MACF1: variants seen among roughly 807,000 people sequenced by gnomAD.
MACF1 encodes microtubule actin crosslinking factor 1.
A neutral mutation model predicts 854.8 loss-of-function variants in MACF1; 193 were observed. That is an observed-to-expected ratio of 0.23 (90% confidence interval 0.20 to 0.25). The LOEUF (loss-of-function observed/expected upper bound fraction) is 0.25. MACF1 is among the 10% of genes least tolerant of loss of function. MACF1 has a pLI of 1.00. For synonymous variants in MACF1, 3,185 were observed against 3,226.7 expected (o/e 0.99, Z 0.44); for missense variants, 7,722 against 8,929.1 (o/e 0.86, Z 5.45).
chr1:39,143,679 G>C (rs994297947), intron 2 of MACF1, among the ~76,000 whole-genome samples: 5 of 152,202 alleles, frequency 3.3e-5, no homozygotes, highest in African/African-American at 1.2e-4. Context: ...AAAGATCCAA[G>C]GCTCTGGGAA....
chr1:39,477,052 T>TAA, intron 97 of MACF1, among the ~76,000 whole-genome samples: 1 of 11,088 alleles, frequency 9.0e-5, no homozygotes, highest in Non-Finnish European at 1.6e-4. Flanking sequence ...AGTGTATATA[T>TAA]ATATATATAT....
At chr1:39,391,068 G>A (rs1321154355) in intron 58 of MACF1, among the ~76,000 whole-genome samples, 5 of 150,620 alleles carry the variant, frequency 3.3e-5, no homozygotes, top group African/African-American at 9.8e-5. Flanking sequence ...CCAAGATGGC[G>A]CCACTGCACT....
chr1:39,332,451 G>A lies in MACF1; in HGVS notation c.5863G>A (p.Ala1955Thr), dbSNP rs753635080. Residue 1955 changes from alanine to threonine, a missense_variant, in exon 37 of 101, where the codon GCC becomes ACC. Transcript: ENST00000564288. ...ACCGTGCAGCAAGAGCCACCCTAAG[G>A]CCACAGCAAGCCAGAGTGAGAATCT... ...VLPCSKSHPK[A>T]TASQSENLLF... is the part of the protein sequence containing the mutation. 1 of 1,613,942 alleles carries A rather than the reference G, an allele frequency of 6.2e-7. No homozygotes were observed. Among genetic ancestry groups the A allele is most frequent in the East Asian group, 2.2e-5 (1 of 44,890 alleles).
chr1:39,442,685 G>T (rs746445318), intron 77 of MACF1, 29 bp from the exon 78 acceptor site: 6 of 1,612,400 alleles, frequency 3.7e-6, no homozygotes, highest in South Asian at 1.1e-5. Context: ...TATCCATAGA[G>T]ATAAATTATG....
intron 58 of MACF1, among the ~76,000 whole-genome samples, chr1:39,421,001 G>A (rs1470352917): frequency 6.6e-6 from 1 of 151,886 alleles, no homozygotes. Context: ...GAGTAGCTGG[G>A]ACTACAGGTG....
intron 100 of MACF1, 96 bp downstream of exon 100, chr1:39,484,826 G>C: frequency 7.0e-7 from 1 of 1,430,270 alleles, no homozygotes; most frequent in South Asian, 1.2e-5. Flanking sequence ...CGGGTAATGA[G>C]AGTGGCACTT....
intron 2 of MACF1, among the ~76,000 whole-genome samples, chr1:39,192,117 C>G (rs184377134): frequency 2.2e-3 from 339 of 152,234 alleles, no homozygotes; most frequent in African/African-American, 7.0e-3. Flanking sequence ...CACCACTGCA[C>G]TCCAGCCTGG....
Position 39,385,559 on chromosome 1 carries a change from G to C in MACF1, c.13974G>C (p.Gln4658His). 1 of 1,614,152 alleles carries C rather than the reference G, an allele frequency of 6.2e-7. No individual in the cohort carries two copies. The highest frequency in any genetic ancestry group is 2.2e-5 in the East Asian group (1 of 44,870). The change falls in exon 57 of 101, where the codon CAG becomes CAC. Residue 4658 changes from glutamine to histidine, a missense_variant. Physicochemically the swap from Gln to His is conservative, Grantham distance 24. This residue lies in a region of MACF1 where 2,807 missense variants were observed against 3,235.8 expected (regional missense o/e 0.87). Coordinates refer to ENST00000564288, the MANE Select transcript of MACF1 (RefSeq NM_001394062.1). ...LSTSQVQKEL[Q>H]SINQKWVELT... ...CCAGCCAAGTACAGAAAGAACTCCA[G>C]AGCATCAATCAGAAATGGGTTGAGC...
At chr1:39,171,457 A>G (rs1192544274) in intron 2 of MACF1, among the ~76,000 whole-genome samples, 4 of 152,028 alleles carry the variant, frequency 2.6e-5, no homozygotes, top group African/African-American at 9.7e-5. Flanking sequence ...CCTGGCAACC[A>G]CTAATCAGCT....
chr1:39,267,127 G>A (rs1645242764), intron 6 of MACF1, among the ~76,000 whole-genome samples: 1 of 152,150 alleles, frequency 6.6e-6, no homozygotes, highest in Admixed American at 6.5e-5. Flanking sequence ...GAGAGTAGTT[G>A]GGGTTGAAAT....
chr1:39,093,463 G>C (rs1015197327), intron 2 of MACF1, among the ~76,000 whole-genome samples: 3 of 149,380 alleles, frequency 2.0e-5, no homozygotes, highest in Admixed American at 6.7e-5. Flanking sequence ...TAACATGTGC[G>C]CGCCACCACG....
In MACF1 at chr1:39,205,089, G is replaced by A; in HGVS notation, c.67G>A (p.Ala23Thr). The part of the protein sequence containing the change: ...IFILTHVLGV[A>T]GVLYWKRHAR... ...TATTTTGACTCACGTTCTTGGAGTT[G>A]CTGGTGTTCTATACTGGAAGAGGCA... The change falls in exon 1 of 101, where the codon GCT becomes ACT. Residue 23 changes from alanine (A) to threonine (T), a missense_variant. Ala to Thr is a moderately conservative substitution (Grantham distance 58, BLOSUM62 0). Transcript: ENST00000564288. The A allele has an allele frequency of 1.4e-6, 1 of 703,002 alleles. No homozygotes were observed. Among genetic ancestry groups the A allele is most frequent in the Non-Finnish European group, 2.6e-6 (1 of 385,000 alleles). 43.5% of individuals were successfully genotyped at this position (703,002 alleles called of 1,614,324 possible). A position where few individuals can be genotyped will look rare whatever the true frequency, so the allele number is the denominator to read the frequency against.
chr1:39,322,829 T>G (rs988205084), intron 32 of MACF1, 81 bp from the exon 33 acceptor site: 2 of 1,509,848 alleles, frequency 1.3e-6, no homozygotes, highest in Non-Finnish European at 9.2e-7. Flanking sequence ...TGTGACTGCA[T>G]GAACATTTCC....
Position 39,479,150 on chromosome 1 carries a change from TC to T in MACF1, c.21959-646del, listed in dbSNP as rs746074026. 2.2e-4 allele frequency among the ~76,000 whole-genome samples: 33 copies of T among 152,330 alleles called. No individual in the cohort carries two copies. The Middle Eastern group carries it at 0.014, about 63-fold the overall frequency. On this transcript the variant is annotated intron_variant, in intron 97 of 100. Transcript: ENST00000564288. ...TGATGTTCCTCCTACTTGCAGTTACTCCTTTGGCCTTTTATTGCTTTCAGTT... is the reference window on the plus strand; with the variant it reads ...TGATGTTCCTCCTACTTGCAGTTACTCTTTGGCCTTTTATTGCTTTCAGTT...
Position 39,300,367 on chromosome 1 carries a change from GGA to G in MACF1, c.2634+7_2634+8del. On this transcript the variant is annotated splice_donor_region_variant and intron_variant, in intron 22 of 100. Transcript: ENST00000564288. ...TGTGACTACAGGCAGATCGAGGTGA[GGA>G]GGTAGAAAGGGTACCTCTGGGCCAC... 1.2e-6 allele frequency: 2 copies of G among 1,613,330 alleles called. No individual in the cohort carries two copies. Among genetic ancestry groups the G allele is most frequent in the East Asian group, 4.5e-5 (2 of 44,846 alleles).
intron 54 of MACF1, among the ~76,000 whole-genome samples, chr1:39,379,971 G>A (rs1238089200): frequency 6.6e-6 from 1 of 152,044 alleles, no homozygotes; most frequent in African/African-American, 2.4e-5. Context: ...TCATATCTTG[G>A]TATTTTTAGT....
At chr1:39,270,212 C>T (rs566076760) in intron 6 of MACF1, among the ~76,000 whole-genome samples, 2 of 152,224 alleles carry the variant, frequency 1.3e-5, no homozygotes, top group East Asian at 3.9e-4. Context: ...CAATCCCATC[C>T]CTGTTGGGAA....
At position 39,458,500 on chromosome 1, in the gene MACF1, C is replaced by T. The variant is rs777169795; in HGVS notation, c.21196+10C>T. ...TCCCGCAGCGGAGGCAGTATGTTTC[C>T]AGCCCCCTGTGTTAGGATGCTTCAT... On this transcript the variant is annotated intron_variant, in intron 90 of 100. Transcript: ENST00000564288. 2.5e-6 allele frequency: 4 copies of T among 1,611,488 alleles called. No homozygotes were observed. The South Asian group carries it at 4.4e-5, about 18-fold the overall frequency.
At chr1:39,116,080 T>C (rs1309042903) in intron 2 of MACF1, among the ~76,000 whole-genome samples, 1 of 152,120 alleles carries the variant, frequency 6.6e-6, no homozygotes, top group Non-Finnish European at 1.5e-5. Flanking sequence ...TGTTTATGTA[T>C]TGTAACACAG....
Sources: gnomAD v4.1 joint callset for allele counts (sites outside exome capture counted in the v4.1 genomes callset) on GRCh38, gnomAD v4.1.1 for gene constraint, gnomAD v4.1.1 regional missense constraint, MANE v1.5 for transcripts, NCBI Gene and HGNC (gene_info 2026-07-23, HGNC 2026-07-21) for gene names.